The following CDKAL1 variants were observed in gnomAD, a reference collection of about 807,000 sequenced individuals.
CDKAL1 encodes the protein CDKAL1 threonylcarbamoyladenosine tRNA methylthiotransferase, also known as threonylcarbamoyladenosine tRNA methylthiotransferase.
A neutral mutation model predicts 68.2 loss-of-function variants in CDKAL1; 32 were observed. The observed-to-expected ratio is 0.47, with a 90% CI of 0.35 to 0.63. The LOEUF (loss-of-function observed/expected upper bound fraction) is 0.63, where lower values mean the gene tolerates loss of function less well. Ranked by LOEUF, CDKAL1 falls within the 30% of genes least tolerant of loss-of-function variation. The pLI is 0.00. For missense variants in CDKAL1, 606 were observed against 696.7 expected (o/e 0.87, Z 1.47); for synonymous variants, 234 against 244.3 (o/e 0.96, Z 0.39).
At chr6:20,750,394 T>A (rs536561144) in intron 6 of CDKAL1, among the ~76,000 whole-genome samples, 1 of 152,318 alleles carries the variant, frequency 6.6e-6, no homozygotes, top group South Asian at 2.1e-4. Context: ...TAGTTCATAG[T>A]TAGTGTTTAA....
intron 13 of CDKAL1, among the ~76,000 whole-genome samples, chr6:21,182,182 TAAC>T (rs1255486559): frequency 7.2e-5 from 11 of 152,198 alleles, no homozygotes; most frequent in South Asian, 2.1e-4. Flanking sequence ...ATGAAGATGA[TAAC>T]AAAAAATACA....
intron 8 of CDKAL1, among the ~76,000 whole-genome samples, chr6:20,782,447 G>C (rs1044779488): frequency 6.6e-6 from 1 of 152,166 alleles, no homozygotes; most frequent in Non-Finnish European, 1.5e-5. Flanking sequence ...TGTCTAGCCT[G>C]AGCCGAATTA....
At chr6:21,098,946 T>G (rs1057159605) in intron 12 of CDKAL1, among the ~76,000 whole-genome samples, 1 of 152,148 alleles carries the variant, frequency 6.6e-6, no homozygotes, top group African/African-American at 2.4e-5. Flanking sequence ...CCCTGAGCAG[T>G]AGGGAGTCCT....
intron 8 of CDKAL1, among the ~76,000 whole-genome samples, chr6:20,794,660 A>AT (rs1776038332): frequency 6.6e-6 from 1 of 152,104 alleles, no homozygotes; most frequent in Non-Finnish European, 1.5e-5. Context: ...GATTTTAGAG[A>AT]TTTAAAATCT....
At chr6:20,553,691 A>T (rs1763920886) in intron 4 of CDKAL1, among the ~76,000 whole-genome samples, 1 of 151,658 alleles carries the variant, frequency 6.6e-6, no homozygotes, top group Admixed American at 6.6e-5. Flanking sequence ...GCTTACTGCA[A>T]CCTCTGCCTT....
At chr6:20,543,807 G>A (rs1199273911) in intron 2 of CDKAL1, among the ~76,000 whole-genome samples, 2 of 147,090 alleles carry the variant, frequency 1.4e-5, no homozygotes, top group Non-Finnish European at 3.0e-5. Flanking sequence ...TACAATCTTG[G>A]CTTACTGCAA....
At chr6:20,830,269 A>C (rs1381875184) in intron 8 of CDKAL1, among the ~76,000 whole-genome samples, 2 of 152,226 alleles carry the variant, frequency 1.3e-5, no homozygotes, top group African/African-American at 4.8e-5. Context: ...TAGTAGACAT[A>C]TGACTCTCTT....
intron 13 of CDKAL1, among the ~76,000 whole-genome samples, chr6:21,109,530 A>G (rs1008915894): frequency 6.6e-6 from 1 of 152,204 alleles, no homozygotes; most frequent in Admixed American, 6.5e-5. Context: ...CGTAAAAGAG[A>G]TGTTTATGCT....
intron 9 of CDKAL1, among the ~76,000 whole-genome samples, chr6:20,878,054 T>C (rs920193711): frequency 1.3e-5 from 2 of 152,192 alleles, no homozygotes; most frequent in African/African-American, 4.8e-5. Flanking sequence ...TGCTCTAATT[T>C]CTCCTACCAG....
chr6:20,745,476 A>G (rs544066610), intron 6 of CDKAL1, among the ~76,000 whole-genome samples: 1 of 152,216 alleles, frequency 6.6e-6, no homozygotes, highest in African/African-American at 2.4e-5. Flanking sequence ...GTTGTCTAAA[A>G]GGTAGTATTG....
chr6:21,008,081 G>A (rs1038108270), intron 11 of CDKAL1, among the ~76,000 whole-genome samples: 8 of 152,256 alleles, frequency 5.3e-5, no homozygotes, highest in African/African-American at 1.7e-4. Context: ...AACCCAGATA[G>A]GGAAATGAGA....
chr6:20,577,053 T>G (rs1026896338), intron 4 of CDKAL1, among the ~76,000 whole-genome samples: 1 of 152,192 alleles, frequency 6.6e-6, no homozygotes, highest in Non-Finnish European at 1.5e-5. Context: ...CAGGCCTCCA[T>G]ACACTCCTAT....
intron 9 of CDKAL1, among the ~76,000 whole-genome samples, chr6:20,913,713 G>T (rs1449824661): frequency 6.6e-6 from 1 of 152,180 alleles, no homozygotes; most frequent in Non-Finnish European, 1.5e-5. Context: ...GTTGGTGATG[G>T]CTTATCCCTG....
intron 13 of CDKAL1, among the ~76,000 whole-genome samples, chr6:21,168,950 A>G (rs1331971374): frequency 6.6e-6 from 1 of 152,196 alleles, no homozygotes. Flanking sequence ...TGCCCAAGAC[A>G]GGAGCTAATT....
intron 9 of CDKAL1, among the ~76,000 whole-genome samples, chr6:20,946,316 C>T (rs920747068): frequency 3.9e-5 from 6 of 152,158 alleles, no homozygotes; most frequent in Non-Finnish European, 5.9e-5. Flanking sequence ...CTTATATTCC[C>T]TCTGCTTCAA....
intron 9 of CDKAL1, among the ~76,000 whole-genome samples, chr6:20,870,965 A>G (rs896352669): frequency 3.9e-5 from 6 of 152,208 alleles, no homozygotes; most frequent in African/African-American, 1.4e-4. Flanking sequence ...CTTCAAAGAA[A>G]TCATTACCCA....
At position 21,072,613 on chromosome 6, in the gene CDKAL1, C is replaced by T. The variant is rs1328233626; in HGVS notation, c.1236+7385C>T. ...TTTGTCTTGTCTTTTATCTTCTAAA[C>T]GTAGCCTGTTACCATCTTCCTCACG... On this transcript the variant is annotated intron_variant, in intron 12 of 15. Transcript: ENST00000274695. 5.4e-5 allele frequency among the ~76,000 whole-genome samples: 7 copies of T among 128,850 alleles called. No homozygotes were observed. In the East Asian group the frequency reaches 1.7e-3, roughly 31 times the overall value. The allele number at this position is 128,850 out of a possible 152,430, so 84.5% of individuals were successfully genotyped here. A position where few individuals can be genotyped will look rare whatever the true frequency, so the allele number is the denominator to read the frequency against.
chr6:20,598,846 T>C (rs925520351), intron 4 of CDKAL1, among the ~76,000 whole-genome samples: 2 of 152,140 alleles, frequency 1.3e-5, no homozygotes, highest in Non-Finnish European at 2.9e-5. Flanking sequence ...CAAAAAAACT[T>C]ACTGAGTTAT....
intron 5 of CDKAL1, among the ~76,000 whole-genome samples, chr6:20,650,011 G>C (rs1385495813): frequency 6.6e-6 from 1 of 152,172 alleles, no homozygotes; most frequent in Non-Finnish European, 1.5e-5. Context: ...TGTGAATAGT[G>C]CTGCAATGAA....
Sources: gnomAD v4.1 joint callset for allele counts (sites outside exome capture counted in the v4.1 genomes callset) on GRCh38, gnomAD v4.1.1 for gene constraint, MANE v1.5 for transcripts, NCBI Gene and HGNC (gene_info 2026-07-23, HGNC 2026-07-21) for gene names.